The following PTPRD variants were observed in gnomAD, a reference collection of about 807,000 sequenced individuals.
PTPRD encodes the protein protein tyrosine phosphatase receptor type D.
Under a neutral mutation model 214.5 loss-of-function variants are expected in PTPRD, and 34 were observed. The ratio of observed to expected loss-of-function variants is 0.16; its 90% CI spans 0.12 to 0.21. The LOEUF is 0.21. PTPRD is among the 10% of genes least tolerant of loss of function. The probability of loss-of-function intolerance (pLI) is 1.00; values close to 1 mark genes in which losing one functional copy is unlikely to be tolerated. For missense variants in PTPRD, 2,545 were observed against 2,398.7 expected (o/e 1.06, Z -1.27); for synonymous variants, 1,128 against 845.7 (o/e 1.33, Z -5.79).
chr9:9,203,389 G>A (rs11792040), intron 9 of PTPRD, among the ~76,000 whole-genome samples: 53 of 152,078 alleles, frequency 3.5e-4, no homozygotes, highest in Admixed American at 1.1e-3. Flanking sequence ...CCATTGAATT[G>A]CATGTTTTTG....
intron 11 of PTPRD, among the ~76,000 whole-genome samples, chr9:8,765,862 G>T (rs184080434): frequency 2.2e-3 from 333 of 152,210 alleles, no homozygotes; most frequent in South Asian, 4.1e-3. Flanking sequence ...TTTGATATTG[G>T]ACAGTGTATC....
chr9:10,202,675 T>G (rs993020354), intron 3 of PTPRD, among the ~76,000 whole-genome samples: 9 of 136,744 alleles, frequency 6.6e-5, no homozygotes, highest in African/African-American at 2.1e-4. Flanking sequence ...TATATGGATA[T>G]ATATATATAT....
chr9:8,886,655 T>G (rs1489527208), intron 11 of PTPRD, among the ~76,000 whole-genome samples: 2 of 152,194 alleles, frequency 1.3e-5, no homozygotes, highest in Admixed American at 1.3e-4. Flanking sequence ...AATATAGTCC[T>G]AGGGCTGAAT....
chr9:9,844,219 C>T (rs1404003395), intron 5 of PTPRD, among the ~76,000 whole-genome samples: 1 of 151,826 alleles, frequency 6.6e-6, no homozygotes, highest in African/African-American at 2.4e-5. Flanking sequence ...TGAATATATT[C>T]AAGTTTAATG....
At chr9:9,176,296 C>T (rs1434753715) in intron 10 of PTPRD, among the ~76,000 whole-genome samples, 1 of 152,168 alleles carries the variant, frequency 6.6e-6, no homozygotes, top group Non-Finnish European at 1.5e-5. Flanking sequence ...TCTAACTTTT[C>T]ATGAACATAA....
At chr9:9,592,577 C>T (rs1381043998) in intron 7 of PTPRD, among the ~76,000 whole-genome samples, 1 of 151,996 alleles carries the variant, frequency 6.6e-6, no homozygotes, top group African/African-American at 2.4e-5. Flanking sequence ...TCTGAAATTT[C>T]TCCTCTAGCC....
intron 5 of PTPRD, among the ~76,000 whole-genome samples, chr9:9,843,355 T>G (rs572959267): frequency 1.3e-5 from 2 of 152,088 alleles, no homozygotes; most frequent in African/African-American, 4.8e-5. Flanking sequence ...TATCACATTT[T>G]TTTTTAGCCA....
rs552740546 is a variant in PTPRD at position 10,167,179 on chromosome 9, C to T, written c.-544-133389G>A. Among the ~76,000 whole-genome samples, 208 of 151,082 alleles carry T rather than the reference C, an allele frequency of 1.4e-3. 1 individual carries two copies. The highest frequency in any genetic ancestry group is 4.4e-3 in the African/African-American group (180 of 41,106). ...CAGAAGCTTATGGAGTAGTATGGAG[C>T]CTGATGTGTATTTCAGAGAGAATTA... On this transcript the variant is annotated intron_variant, in intron 3 of 45. Coordinates refer to ENST00000381196, the MANE Select transcript of PTPRD (RefSeq NM_002839.4).
chr9:9,779,941 A>G (rs1206698214), intron 5 of PTPRD, among the ~76,000 whole-genome samples: 1 of 152,228 alleles, frequency 6.6e-6, no homozygotes, highest in African/African-American at 2.4e-5. Flanking sequence ...ATTATGCCAA[A>G]AAGACACATA....
chr9:8,463,390 A>T, intron 32 of PTPRD, among the ~76,000 whole-genome samples: 1 of 151,586 alleles, frequency 6.6e-6, no homozygotes, highest in Admixed American at 6.6e-5. Flanking sequence ...TATATATCTA[A>T]GAAACATGAT....
intron 10 of PTPRD, among the ~76,000 whole-genome samples, chr9:9,059,150 A>G (rs1294987375): frequency 6.6e-6 from 1 of 152,228 alleles, no homozygotes; most frequent in Non-Finnish European, 1.5e-5. Flanking sequence ...CATGCTGGGC[A>G]GCACTGAGGA....
chr9:8,895,781 A>T (rs2098604549), intron 11 of PTPRD, among the ~76,000 whole-genome samples: 1 of 152,238 alleles, frequency 6.6e-6, no homozygotes, highest in African/African-American at 2.4e-5. Flanking sequence ...AAAGACAGGT[A>T]GGAAGAGCCT....
chr9:10,578,090 A>T (rs979850725), intron 2 of PTPRD, among the ~76,000 whole-genome samples: 6 of 151,896 alleles, frequency 4.0e-5, no homozygotes, highest in African/African-American at 1.5e-4. Flanking sequence ...TTGTATTTTT[A>T]GGAGAGACGG....
At chr9:8,673,689 A>T (rs1788137218) in intron 12 of PTPRD, among the ~76,000 whole-genome samples, 3 of 152,068 alleles carry the variant, frequency 2.0e-5, no homozygotes, top group Non-Finnish European at 4.4e-5. Context: ...TTATTCTCTT[A>T]TTCTGAATGC....
At chr9:9,605,341 C>T (rs2094080671) in intron 7 of PTPRD, among the ~76,000 whole-genome samples, 1 of 151,974 alleles carries the variant, frequency 6.6e-6, no homozygotes, top group Non-Finnish European at 1.5e-5. Context: ...TATGTGCAGT[C>T]CCTGACCTAT....
intron 5 of PTPRD, among the ~76,000 whole-genome samples, chr9:9,852,705 A>G (rs148302208): frequency 1.6e-4 from 25 of 152,252 alleles, no homozygotes; most frequent in African/African-American, 5.8e-4. Context: ...ACCAAATTTT[A>G]TTCAACATTT....
rs115830442 is a variant in PTPRD at position 9,518,628 on chromosome 9, C to G, written c.-237+56104G>C. 3.3e-5 allele frequency among the ~76,000 whole-genome samples: 5 copies of G among 152,038 alleles called. No individual in the cohort carries two copies. In the South Asian group the frequency reaches 1.0e-3, roughly 32 times the overall value. ...GGAGGAATAGCAAAAACCTGGGACC[C>G]GAAAGGGCATTAAATATTTTCCTCA... On this transcript the variant is annotated intron_variant, in intron 8 of 45. Transcript: ENST00000381196.
intron 11 of PTPRD, among the ~76,000 whole-genome samples, chr9:8,929,781 G>GTATATA: frequency 2.5e-5 from 1 of 39,988 alleles, no homozygotes; most frequent in African/African-American, 9.3e-5. Flanking sequence ...ATATATATGG[G>GTATATA]TGTGTATATA....
intron 11 of PTPRD, among the ~76,000 whole-genome samples, chr9:8,974,627 G>A (rs2099257759): frequency 6.6e-6 from 1 of 151,944 alleles, no homozygotes; most frequent in Admixed American, 6.6e-5. Context: ...TATCTGAATT[G>A]ACCATGTATA....
Sources: allele counts gnomAD v4.1 joint callset (sites outside exome capture counted in the v4.1 genomes callset), GRCh38; gene constraint gnomAD v4.1.1; transcripts MANE v1.5; gene names NCBI Gene and HGNC (gene_info 2026-07-23, HGNC 2026-07-21).